The following TBC1D2 variants were observed in gnomAD, a reference collection of about 807,000 sequenced individuals.
TBC1D2 encodes the protein TBC1 domain family member 2A.
Under a neutral mutation model 91.1 loss-of-function variants are expected in TBC1D2, and 58 were observed. The observed-to-expected ratio is 0.64, with a 90% CI of 0.52 to 0.79. The LOEUF (loss-of-function observed/expected upper bound fraction) is 0.79, where lower values mean the gene tolerates loss of function less well. TBC1D2 is among the 30% of genes least tolerant of loss of function. The pLI, the probability that TBC1D2 is intolerant of heterozygous loss-of-function variation, is 0.00. For synonymous variants in TBC1D2, 482 were observed against 511.5 expected (o/e 0.94, Z 0.78); for missense variants, 1,080 against 1,208.3 (o/e 0.89, Z 1.57).
rs1828423600 is a variant in TBC1D2 at position 98,199,473 on chromosome 9, G to A, written c.2695C>T (p.Leu899Phe). 1 of 1,614,028 alleles carries A rather than the reference G, an allele frequency of 6.2e-7. No homozygotes were observed. Among genetic ancestry groups the A allele is most frequent in the Admixed American group, 1.7e-5 (1 of 60,004 alleles). ...LEAELRELEQ[L>F]KAEYLERRAS... ...CGCCTCTCCAGGTACTCTGCCTTAA[G>A]CTGCTCCAGCTCCCGCAGCTCAGCC... is the stretch of plus-strand genomic sequence containing the variant. The change falls in exon 13 of 13, where the codon CTT (leucine) becomes TTT (phenylalanine). Residue 899 changes from leucine to phenylalanine, a missense_variant. Coordinates refer to ENST00000465784, the MANE Select transcript of TBC1D2 (RefSeq NM_001267571.2).
intron 11 of TBC1D2, 58 bp from the exon 12 acceptor site, chr9:98,200,432 G>C (rs956716643): frequency 1.3e-6 from 2 of 1,530,372 alleles, no homozygotes; most frequent in African/African-American, 2.7e-5. Flanking sequence ...GTCATCCCCG[G>C]AGGGAGGGAA....
intron 4 of TBC1D2, among the ~76,000 whole-genome samples, chr9:98,230,468 G>A (rs1024651813): frequency 2.6e-5 from 4 of 152,174 alleles, no homozygotes; most frequent in Admixed American, 2.6e-4. Flanking sequence ...AAGTGTTAAA[G>A]GTGTTGAAAA....
At chr9:98,229,725 T>C (rs528874481) in intron 4 of TBC1D2, among the ~76,000 whole-genome samples, 5 of 152,354 alleles carry the variant, frequency 3.3e-5, no homozygotes, top group East Asian at 3.9e-4. Context: ...CCACAGTTGA[T>C]TGTCTCAAGG....
At chr9:98,218,980 C>T (rs533798925) in intron 6 of TBC1D2, among the ~76,000 whole-genome samples, 21 of 152,314 alleles carry the variant, frequency 1.4e-4, no homozygotes, top group African/African-American at 4.8e-4. Context: ...AGCAGTTTTC[C>T]CTGCTGTGTG....
intron 5 of TBC1D2, among the ~76,000 whole-genome samples, chr9:98,225,171 C>T (rs1025018825): frequency 3.9e-5 from 6 of 152,204 alleles, no homozygotes; most frequent in Admixed American, 2.0e-4. Context: ...CATTCCCAGC[C>T]GCCAACAGAT....
chr9:98,235,978 T>C (rs917305180), intron 3 of TBC1D2, among the ~76,000 whole-genome samples: 1 of 150,882 alleles, frequency 6.6e-6, no homozygotes, highest in African/African-American at 2.4e-5. Flanking sequence ...GAGCTTGCAG[T>C]GAGCCGAGAA....
In TBC1D2 at chr9:98,229,023, T is replaced by C; in HGVS notation, c.907A>G (p.Thr303Ala). 1 of 1,614,236 alleles carries C rather than the reference T, an allele frequency of 6.2e-7. No homozygotes were observed. The highest frequency in any genetic ancestry group is 1.1e-5 in the South Asian group (1 of 91,082). ...FFSEGITRNR[T>A]AQEKVAALEQ... ...AAGGCTGCCACTTTCTCCTGGGCAGTTCGGTTCCGTGTGATTCCTTCAGAA... is the reference window on the plus strand; with the variant it reads ...AAGGCTGCCACTTTCTCCTGGGCAGCTCGGTTCCGTGTGATTCCTTCAGAA... The change falls in exon 5 of 13, where the codon ACT becomes GCT. Residue 303 changes from threonine (T) to alanine (A), a missense_variant. Transcript: ENST00000465784.
chr9:98,215,243 G>A (rs2119056624), intron 6 of TBC1D2, among the ~76,000 whole-genome samples: 1 of 152,210 alleles, frequency 6.6e-6, no homozygotes, highest in South Asian at 2.1e-4. Flanking sequence ...GGCCTTTCCT[G>A]GACCACTCCC....
Sources: gnomAD v4.1 joint callset for allele counts (sites outside exome capture counted in the v4.1 genomes callset) on GRCh38, gnomAD v4.1.1 for gene constraint, MANE v1.5 for transcripts, NCBI Gene and HGNC (gene_info 2026-07-23, HGNC 2026-07-21) for gene names.